TRPM3: variants seen among roughly 807,000 people sequenced by gnomAD.
TRPM3 encodes long transient receptor potential channel 3.
TRPM3 carries 77 observed loss-of-function variants against 181.2 expected under a neutral mutation model. That is an observed-to-expected ratio of 0.42 (90% confidence interval 0.35 to 0.51). The LOEUF is 0.51. Among genes scored for constraint, TRPM3 ranks in the 20% least tolerant of loss-of-function variants. TRPM3 has a pLI of 0.01. For missense variants in TRPM3, 1,759 were observed against 2,196.7 expected (o/e 0.80, Z 3.98); for synonymous variants, 745 against 796.4 (o/e 0.94, Z 1.09).
chr9:70,888,325 G>A (rs1589549281), intron 1 of TRPM3, among the ~76,000 whole-genome samples: 2 of 151,642 alleles, frequency 1.3e-5, no homozygotes, highest in East Asian at 3.9e-4. Context: ...GGATTAATGG[G>A]AGTTAGGAGT....
intron 6 of TRPM3, among the ~76,000 whole-genome samples, chr9:70,812,457 C>G (rs562628512): frequency 6.6e-6 from 1 of 152,280 alleles, no homozygotes; most frequent in South Asian, 2.1e-4. Flanking sequence ...GGGTTGGTTC[C>G]TCTGGATTCT....
At chr9:71,056,384 G>A (rs2060652887) in intron 1 of TRPM3, among the ~76,000 whole-genome samples, 1 of 151,928 alleles carries the variant, frequency 6.6e-6, no homozygotes, top group African/African-American at 2.4e-5. Context: ...ATACACTGCA[G>A]AGATATGGAT....
At chr9:70,765,420 A>AC (rs1490382335) in intron 7 of TRPM3, among the ~76,000 whole-genome samples, 3 of 151,912 alleles carry the variant, frequency 2.0e-5, no homozygotes, top group Non-Finnish European at 2.9e-5. Flanking sequence ...TTGAAACCCC[A>AC]CCTCTACTAA....
Position 70,644,572 on chromosome 9 carries a change from C to T in TRPM3, c.1346-3912G>A, listed in dbSNP as rs1447927221. On this transcript the variant is annotated intron_variant, in intron 9 of 25. Coordinates refer to ENST00000677713, the MANE Select transcript of TRPM3 (RefSeq NM_001366145.2). ...GGAATGTATCTCAAAATAATAAAAA[C>T]CATTTATGACAAACCCACAGCCAAT... Among the ~76,000 whole-genome samples the T allele has an allele frequency of 3.3e-5, 5 of 152,112 alleles. No individual in the cohort carries two copies. In the East Asian group the frequency reaches 7.7e-4, roughly 23 times the overall value.
At chr9:70,745,704 G>A (rs1183740302) in intron 8 of TRPM3, among the ~76,000 whole-genome samples, 1 of 152,138 alleles carries the variant, frequency 6.6e-6, no homozygotes, top group Non-Finnish European at 1.5e-5. Context: ...ACTATAAGTA[G>A]GCCAATTGAG....
At chr9:71,389,834 G>A (rs191550717) in intron 1 of TRPM3, among the ~76,000 whole-genome samples, 3 of 152,152 alleles carry the variant, frequency 2.0e-5, no homozygotes, top group Middle Eastern at 3.4e-3. Flanking sequence ...GAGTTGAGGG[G>A]AAGAGTAGGA....
intron 6 of TRPM3, chr9:70,810,061 G>A (rs2091665997): frequency 1.9e-6 from 1 of 534,468 alleles, no homozygotes; most frequent in Admixed American, 1.9e-5. Context: ...AAGTCCACGA[G>A]TCACATGAAG....
At chr9:70,638,950 C>T in intron 11 of TRPM3, 110 bp downstream of exon 11, 3 of 1,232,872 alleles carry the variant, frequency 2.4e-6, no homozygotes, top group Non-Finnish European at 3.4e-6. Context: ...GATGAATGAA[C>T]CATGCATTTG....
intron 6 of TRPM3, among the ~76,000 whole-genome samples, chr9:70,796,305 G>T (rs2087012701): frequency 6.6e-6 from 1 of 152,328 alleles, no homozygotes. Flanking sequence ...GGACGAGCTA[G>T]GCAGGAAGGT....
At chr9:71,409,011 C>T (rs1383399016) in intron 1 of TRPM3, among the ~76,000 whole-genome samples, 1 of 152,094 alleles carries the variant, frequency 6.6e-6, no homozygotes, top group Non-Finnish European at 1.5e-5. Context: ...ACTAAGTAAG[C>T]TTCATAAGTG....
intron 1 of TRPM3, among the ~76,000 whole-genome samples, chr9:70,896,311 T>A (rs1231666329): frequency 6.6e-6 from 1 of 152,162 alleles, no homozygotes; most frequent in South Asian, 2.1e-4. Flanking sequence ...GCTAACACAG[T>A]ATAGCCTTGT....
At chr9:71,146,226 C>A (rs1053808230) in intron 1 of TRPM3, among the ~76,000 whole-genome samples, 8 of 152,132 alleles carry the variant, frequency 5.3e-5, no homozygotes, top group African/African-American at 1.9e-4. Context: ...ATAAAGTCAG[C>A]TTTTGCAAGC....
rs573682526 is a variant in TRPM3, at chr9:71,093,822, G to T, written c.177+27356C>A. Among the ~76,000 whole-genome samples the T allele has an allele frequency of 9.2e-5, 14 of 152,130 alleles. No homozygotes were observed. In the South Asian group the frequency reaches 2.7e-3, roughly 29 times the overall value. On this transcript the variant is annotated intron_variant, in intron 1 of 25. Coordinates refer to ENST00000677713, the MANE Select transcript of TRPM3 (RefSeq NM_001366145.2). ...TTGCAGCACTATTTACAATAGCAAA[G>T]ACTTGGAACCAACCCAAATGCCCAT...
intron 7 of TRPM3, chr9:70,774,342 T>C (rs1588146940): frequency 6.5e-6 from 1 of 152,866 alleles, no homozygotes; most frequent in Non-Finnish European, 1.5e-5. Context: ...ATATATTTTC[T>C]CTTCCTTATG....
At chr9:70,795,074 G>A (rs1295321025) in intron 6 of TRPM3, among the ~76,000 whole-genome samples, 1 of 152,168 alleles carries the variant, frequency 6.6e-6, no homozygotes, top group Non-Finnish European at 1.5e-5. Flanking sequence ...TAATCTAGGG[G>A]TTATTTAAGA....
At chr9:70,597,303 C>T (rs1401578720) in intron 21 of TRPM3, among the ~76,000 whole-genome samples, 2 of 151,834 alleles carry the variant, frequency 1.3e-5, no homozygotes, top group South Asian at 2.1e-4. Context: ...GACTCCTGGG[C>T]TCAAGTAATC....
intron 1 of TRPM3, among the ~76,000 whole-genome samples, chr9:70,945,421 G>C (rs1260951278): frequency 6.6e-6 from 1 of 152,138 alleles, no homozygotes; most frequent in Non-Finnish European, 1.5e-5. Flanking sequence ...ACTAAAAACT[G>C]TTAAACATCA....
Position 70,544,770 on chromosome 9 carries a change from T to A in TRPM3, c.3707+4772A>T, listed in dbSNP as rs142378177. 9.2e-3 allele frequency among the ~76,000 whole-genome samples: 1,400 copies of A among 152,198 alleles called. 31 individuals are homozygous for A. Among genetic ancestry groups the A allele is most frequent in the African/African-American group, 0.032 (1,323 of 41,542 alleles). ...AAAGGGGGGAAAAAAAGAAAAATTT[T>A]ATAGTAATGAATACTAAGTCTTGAT... On this transcript the variant is annotated intron_variant, in intron 25 of 25. Coordinates refer to ENST00000677713, the MANE Select transcript of TRPM3 (RefSeq NM_001366145.2).
At chr9:71,112,241 A>C (rs1433385034) in intron 1 of TRPM3, among the ~76,000 whole-genome samples, 1 of 152,230 alleles carries the variant, frequency 6.6e-6, no homozygotes, top group Non-Finnish European at 1.5e-5. Flanking sequence ...GAAATATATT[A>C]ACATATGTTA....
Sources: allele counts gnomAD v4.1 joint callset (sites outside exome capture counted in the v4.1 genomes callset), GRCh38; gene constraint gnomAD v4.1.1; transcripts MANE v1.5; gene names NCBI Gene and HGNC (gene_info 2026-07-23, HGNC 2026-07-21).